The following TLK1 variants were observed in gnomAD, a reference collection of about 807,000 sequenced individuals.
TLK1 encodes tousled like kinase 1.
In TLK1, 24 loss-of-function variants were observed where a neutral mutation model predicts 105.3. The observed-to-expected ratio is 0.23, with a 90% confidence interval of 0.17 to 0.32. The LOEUF (loss-of-function observed/expected upper bound fraction) is 0.32, where lower values mean the gene tolerates loss of function less well. Among genes scored for constraint, TLK1 ranks in the 10% least tolerant of loss-of-function variants. The pLI is 1.00. For missense variants in TLK1, 558 were observed against 910.5 expected, an observed-to-expected ratio of 0.61 and a Z score of 4.98; for synonymous variants, 321 against 310.4, an observed-to-expected ratio of 1.03 and a Z score of -0.36.
chr2:171,163,155 A>G (rs571482257), upstream of TLK1, among the ~76,000 whole-genome samples: 1 of 152,336 alleles, frequency 6.6e-6, no homozygotes, highest in South Asian at 2.1e-4. Flanking sequence ...TTGCATTATC[A>G]ATAGTTTGTT....
intron 2 of TLK1, among the ~76,000 whole-genome samples, chr2:171,101,303 G>T (rs961113095): frequency 7.6e-6 from 1 of 130,726 alleles, no homozygotes; most frequent in Admixed American, 8.9e-5. Flanking sequence ...CCAAGATAGC[G>T]CCACTGCACT....
At chr2:171,120,911 G>C (rs1690627021) in intron 1 of TLK1, among the ~76,000 whole-genome samples, 1 of 152,184 alleles carries the variant, frequency 6.6e-6, no homozygotes, top group African/African-American at 2.4e-5. Context: ...ATCAACAGAT[G>C]AATGGATAAA....
intron 4 of TLK1, 23 bp downstream of exon 4, chr2:171,061,058 G>C (rs1687726326): frequency 6.2e-7 from 1 of 1,606,382 alleles, no homozygotes; most frequent in Non-Finnish European, 8.5e-7. Context: ...ACTAGGCTCT[G>C]AAGGAAGATG....
chr2:171,174,184 C>G (rs1469246985), intron 1 of TLK1, among the ~76,000 whole-genome samples: 54 of 152,148 alleles, frequency 3.5e-4, no homozygotes, highest in Admixed American at 3.5e-3. Context: ...TGGTTACTCT[C>G]TCATGGGAAT....
intron 18 of TLK1, among the ~76,000 whole-genome samples, chr2:171,004,209 C>T (rs966799825): frequency 5.3e-5 from 8 of 152,108 alleles, no homozygotes; most frequent in Non-Finnish European, 7.3e-5. Context: ...GTGATCCGCC[C>T]GCCTCAGCCT....
upstream of TLK1, among the ~76,000 whole-genome samples, chr2:171,163,685 T>A (rs369753072): frequency 6.6e-6 from 1 of 152,086 alleles, no homozygotes; most frequent in Non-Finnish European, 1.5e-5. Flanking sequence ...AGGTTATCTT[T>A]CTCCCAACCT....
At chr2:171,104,969 T>C (rs550612474) in intron 2 of TLK1, among the ~76,000 whole-genome samples, 1 of 152,276 alleles carries the variant, frequency 6.6e-6, no homozygotes, top group South Asian at 2.1e-4. Context: ...AAAATGAAAC[T>C]AGCCCCTATC....
At chr2:171,159,430 G>A (rs767008809) in intron 1 of TLK1, among the ~76,000 whole-genome samples, 2 of 152,208 alleles carry the variant, frequency 1.3e-5, no homozygotes, top group African/African-American at 4.8e-5. Flanking sequence ...TGCCTTACAA[G>A]CTGTGTAACT....
At chr2:171,024,182 G>C (rs1488612894) in intron 12 of TLK1, among the ~76,000 whole-genome samples, 5 of 152,074 alleles carry the variant, frequency 3.3e-5, no homozygotes, top group Non-Finnish European at 5.9e-5. Flanking sequence ...GGAATAATTT[G>C]TATAGTCTCC....
intron 1 of TLK1, among the ~76,000 whole-genome samples, chr2:171,173,912 C>T (rs138227956): frequency 6.6e-6 from 1 of 152,176 alleles, no homozygotes; most frequent in Non-Finnish European, 1.5e-5. Context: ...TCTTGTCACC[C>T]CCAGCTCCCC....
intron 1 of TLK1, among the ~76,000 whole-genome samples, chr2:171,157,911 T>G (rs1692301432): frequency 6.6e-6 from 1 of 152,238 alleles, no homozygotes; most frequent in African/African-American, 2.4e-5. Context: ...GTTTTCACCG[T>G]GATACATACA....
chr2:171,114,840 G>C (rs185852668), intron 2 of TLK1, among the ~76,000 whole-genome samples: 1 of 149,268 alleles, frequency 6.7e-6, no homozygotes, highest in East Asian at 2.0e-4. Flanking sequence ...GTCTCAGAGG[G>C]AAAAAAAAAG....
chr2:171,137,450 GC>G (rs1263858747), intron 1 of TLK1, among the ~76,000 whole-genome samples: 2 of 151,988 alleles, frequency 1.3e-5, no homozygotes, highest in African/African-American at 4.8e-5. Flanking sequence ...CTTTTCTGTG[GC>G]TTTTTATTTT....
chr2:170,994,624 T>C (rs1355757267), intron 20 of TLK1: 6 of 505,870 alleles, frequency 1.2e-5, no homozygotes, highest in South Asian at 5.8e-5. Context: ...AGTAAATACA[T>C]CTATGTAACT....
At chr2:171,100,711 T>C (rs960582518) in intron 2 of TLK1, among the ~76,000 whole-genome samples, 11 of 152,202 alleles carry the variant, frequency 7.2e-5, no homozygotes, top group African/African-American at 2.7e-4. Context: ...GGAACTCTCA[T>C]GCATTGCTGG....
At chr2:171,145,936 GTGTT>G (rs754341182) in intron 1 of TLK1, among the ~76,000 whole-genome samples, 2 of 151,960 alleles carry the variant, frequency 1.3e-5, no homozygotes, top group African/African-American at 2.4e-5. Context: ...GGGAAGGAGA[GTGTT>G]TGAAGTGCTG....
chr2:171,195,362 G>A (rs1423887507), intron 1 of TLK1, among the ~76,000 whole-genome samples: 2 of 152,012 alleles, frequency 1.3e-5, no homozygotes, highest in Middle Eastern at 3.2e-3. Context: ...AATTAGCCGG[G>A]CATGGTGGTG....
chr2:170,997,896 CT>C, intron 18 of TLK1, 73 bp from the exon 19 acceptor site: 1 of 872,790 alleles, frequency 1.1e-6, no homozygotes, highest in Non-Finnish European at 1.8e-6. Flanking sequence ...AGTGTAAAAT[CT>C]TAGAACACGA....
At chr2:171,139,239 A>C (rs1691469657) in intron 1 of TLK1, among the ~76,000 whole-genome samples, 1 of 152,148 alleles carries the variant, frequency 6.6e-6, no homozygotes, top group Non-Finnish European at 1.5e-5. Flanking sequence ...TAATGCTCTG[A>C]CGATTTTATT....
Sources: gnomAD v4.1 joint callset for allele counts (sites outside exome capture counted in the v4.1 genomes callset) on GRCh38, gnomAD v4.1.1 for gene constraint, MANE v1.5 for transcripts, NCBI Gene and HGNC (gene_info 2026-07-23, HGNC 2026-07-21) for gene names.